The following WNT2 variants were observed in gnomAD, a reference collection of about 807,000 sequenced individuals.
WNT2 encodes protein Wnt-2.
In WNT2, 12 loss-of-function variants were observed where a neutral mutation model predicts 36.9. That is an observed-to-expected ratio of 0.33 (90% confidence interval 0.21 to 0.53). The LOEUF is 0.53. Among genes scored for constraint, WNT2 ranks in the 20% least tolerant of loss-of-function variants. The pLI, the probability that WNT2 is intolerant of heterozygous loss-of-function variation, is 0.95. For missense variants in WNT2, 379 were observed against 473.1 expected, an observed-to-expected ratio of 0.80 and a Z score of 1.84; for synonymous variants, 163 against 174.6, an observed-to-expected ratio of 0.93 and a Z score of 0.52.
chr7:117,308,675 A>C (rs1173412836), intron 3 of WNT2, among the ~76,000 whole-genome samples: 1 of 152,228 alleles, frequency 6.6e-6, no homozygotes, highest in East Asian at 1.9e-4. Flanking sequence ...TATGCCCCAC[A>C]AAGATGCTCA....
intron 4 of WNT2, among the ~76,000 whole-genome samples, chr7:117,280,595 A>G (rs1794464569): frequency 1.3e-5 from 2 of 152,226 alleles, no homozygotes; most frequent in Non-Finnish European, 2.9e-5. Context: ...GAGCTCAAAG[A>G]CAGTCAAATG....
intron 4 of WNT2, among the ~76,000 whole-genome samples, chr7:117,295,280 C>G (rs1296080850): frequency 1.3e-5 from 2 of 152,222 alleles, no homozygotes; most frequent in African/African-American, 4.8e-5. Flanking sequence ...GGGATAATAA[C>G]ATACTCACCT....
chr7:117,297,502 T>G, intron 4 of WNT2, 110 bp downstream of exon 4: 2,655 of 1,320,564 alleles, frequency 2.0e-3, no homozygotes, highest in Non-Finnish European at 2.5e-3. Context: ...ATAAGGATCG[T>G]GAGCTTTGAA....
chr7:117,305,932 G>T (rs922107771), intron 3 of WNT2, among the ~76,000 whole-genome samples: 11 of 152,180 alleles, frequency 7.2e-5, no homozygotes, highest in African/African-American at 2.7e-4. Flanking sequence ...GAAGGGAGGG[G>T]TTGGGGTTCC....
intron 4 of WNT2, among the ~76,000 whole-genome samples, chr7:117,294,432 G>A (rs1794748604): frequency 6.6e-6 from 1 of 152,062 alleles, no homozygotes; most frequent in Non-Finnish European, 1.5e-5. Context: ...TCATCTGATG[G>A]TCAACAGAAT....
rs558457542 is a variant in WNT2 at position 117,309,954 on chromosome 7, A to T, written c.588+5117T>A. 1.6e-3 allele frequency among the ~76,000 whole-genome samples: 239 copies of T among 151,048 alleles called. 1 individual carries two copies. The highest frequency in any genetic ancestry group is 0.013 in the South Asian group (63 of 4,774). On this transcript the variant is annotated intron_variant, in intron 3 of 4. Transcript: ENST00000265441. Reference sequence around the variant, plus strand: ...TTCTCACAATTTTCCTAGTAAATCTATTTTTTTTTGATATGGGATCTCACT... The same window carrying T: ...TTCTCACAATTTTCCTAGTAAATCTTTTTTTTTTTGATATGGGATCTCACT...
rs746197994 is a variant in WNT2 at position 117,278,381 on chromosome 7, G to C, written c.857C>G (p.Ser286Cys). 1 of 1,612,822 alleles carries C rather than the reference G, an allele frequency of 6.2e-7. No homozygotes were observed. ...DYCIRDREAG[S>C]LGTAGRVCNL... ...GCACACACGGCCTGCTGTACCCAGGGAGCCTGGAAGACAAGCCAGGGAGTG... is the reference window on the plus strand; with the variant it reads ...GCACACACGGCCTGCTGTACCCAGGCAGCCTGGAAGACAAGCCAGGGAGTG... Residue 286 changes from serine to cysteine, a missense_variant, in exon 5 of 5, where the codon TCC becomes TGC. Coordinates refer to ENST00000265441, the MANE Select transcript of WNT2 (RefSeq NM_003391.3).
At chr7:117,316,502 A>G (rs1216472956) in intron 2 of WNT2, among the ~76,000 whole-genome samples, 2 of 152,234 alleles carry the variant, frequency 1.3e-5, no homozygotes, top group Non-Finnish European at 2.9e-5. Flanking sequence ...TCAATATGTC[A>G]AGAGGAGTGT....
At chr7:117,318,346 C>T (rs1244545393) in intron 2 of WNT2, among the ~76,000 whole-genome samples, 1 of 152,192 alleles carries the variant, frequency 6.6e-6, no homozygotes, top group Non-Finnish European at 1.5e-5. Context: ...CCATAACCAA[C>T]ACAAAATCAT....
intron 3 of WNT2, among the ~76,000 whole-genome samples, chr7:117,302,857 C>T (rs113798734): frequency 3.2e-4 from 49 of 151,996 alleles, no homozygotes; most frequent in African/African-American, 1.1e-3. Flanking sequence ...GTATAGCTGG[C>T]GGAAAAAGGG....
intron 3 of WNT2, among the ~76,000 whole-genome samples, chr7:117,310,749 T>C (rs111798711): frequency 0.018 from 2,717 of 152,308 alleles, 85 homozygotes; most frequent in South Asian, 0.085. Context: ...GTCTTTGTCT[T>C]GAAGTCCCTT....
At position 117,318,824 on chromosome 7, in the gene WNT2, C is replaced by T. The variant is rs963248361; in HGVS notation, c.310+1743G>A. On this transcript the variant is annotated intron_variant, in intron 2 of 4. Transcript: ENST00000265441. The stretch of plus-strand genomic sequence containing the variant: ...TGGCTGTTACCTCTAGTTCGAACCT[C>T]CTTCATCTCAGCAATTCTACAGCTC... Among the ~76,000 whole-genome samples the T allele has an allele frequency of 4.6e-5, 7 of 152,182 alleles. No individual in the cohort carries two copies. The South Asian group carries it at 8.3e-4, about 18-fold the overall frequency.
chr7:117,296,204 A>G (rs1794786679), intron 4 of WNT2, among the ~76,000 whole-genome samples: 1 of 152,202 alleles, frequency 6.6e-6, no homozygotes, highest in Admixed American at 6.5e-5. Context: ...TTGGCCTGAC[A>G]GGTAGGATGA....
At chr7:117,319,523 G>GC (rs1491548181) in intron 2 of WNT2, among the ~76,000 whole-genome samples, 2 of 58,736 alleles carry the variant, frequency 3.4e-5, no homozygotes, top group Admixed American at 1.8e-4. Context: ...CTTAGGAATT[G>GC]GGGGGGGGGG....
At chr7:117,313,353 T>C (rs1466867572) in intron 3 of WNT2, among the ~76,000 whole-genome samples, 1 of 152,242 alleles carries the variant, frequency 6.6e-6, no homozygotes, top group Non-Finnish European at 1.5e-5. Flanking sequence ...GTGTGTGCAC[T>C]TTTATTCCAA....
intron 3 of WNT2, among the ~76,000 whole-genome samples, chr7:117,299,250 G>A (rs1445728886): frequency 1.3e-5 from 2 of 152,126 alleles, no homozygotes; most frequent in African/African-American, 2.4e-5. Context: ...CACAACCCTG[G>A]GAGTGCCATC....
At chr7:117,292,802 G>A (rs1794715048) in intron 4 of WNT2, among the ~76,000 whole-genome samples, 1 of 152,128 alleles carries the variant, frequency 6.6e-6, no homozygotes, top group Admixed American at 6.5e-5. Context: ...TTTTTTGGGA[G>A]ATGTTTATTT....
intron 1 of WNT2, among the ~76,000 whole-genome samples, chr7:117,321,374 T>C (rs1795323206): frequency 6.6e-6 from 1 of 152,264 alleles, no homozygotes; most frequent in Non-Finnish European, 1.5e-5. Context: ...ATTTTGTAGC[T>C]CTTTTTGGCT....
chr7:117,279,685 G>A (rs1794446657), intron 4 of WNT2, among the ~76,000 whole-genome samples: 1 of 152,098 alleles, frequency 6.6e-6, no homozygotes, highest in Admixed American at 6.6e-5. Context: ...GCATTCGAAC[G>A]TTTGAGTTCC....
Sources: gnomAD v4.1 joint callset for allele counts (sites outside exome capture counted in the v4.1 genomes callset) on GRCh38, gnomAD v4.1.1 for gene constraint, MANE v1.5 for transcripts, NCBI Gene and HGNC (gene_info 2026-07-23, HGNC 2026-07-21) for gene names.